ITPR2: variants seen among roughly 807,000 people sequenced by gnomAD.
ITPR2 encodes inositol 1,4,5-trisphosphate-gated calcium channel ITPR2.
Under a neutral mutation model 317.1 loss-of-function variants are expected in ITPR2, and 207 were observed. That is an observed-to-expected ratio of 0.65 (90% CI 0.58 to 0.73). The LOEUF is 0.73. Among genes scored for constraint, ITPR2 ranks in the 30% least tolerant of loss-of-function variants. The pLI is 0.00. For synonymous variants in ITPR2, 1,156 were observed against 1,149.1 expected, an observed-to-expected ratio of 1.01 and a Z score of -0.12; for missense variants, 2,613 against 3,284.0, an observed-to-expected ratio of 0.80 and a Z score of 4.99.
At chr12:26,531,031 G>T (rs569174252) in intron 37 of ITPR2, among the ~76,000 whole-genome samples, 1 of 152,146 alleles carries the variant, frequency 6.6e-6, no homozygotes, top group Non-Finnish European at 1.5e-5. Context: ...ATGCTAAGTA[G>T]ATTTGGTAAA....
intron 32 of ITPR2, among the ~76,000 whole-genome samples, 162 bp downstream of exon 32, chr12:26,595,303 A>C (rs1945814418): frequency 6.6e-6 from 1 of 152,224 alleles, no homozygotes; most frequent in Non-Finnish European, 1.5e-5. Context: ...ATATTAACTC[A>C]TTAAATCTCA....
chr12:26,772,097 T>C (rs565595291), intron 2 of ITPR2, among the ~76,000 whole-genome samples: 2 of 152,116 alleles, frequency 1.3e-5, no homozygotes, highest in African/African-American at 2.4e-5. Flanking sequence ...GGCACTTTCA[T>C]CTCAGTATTA....
intron 37 of ITPR2, among the ~76,000 whole-genome samples, chr12:26,544,491 A>G (rs1944340303): frequency 6.6e-6 from 1 of 151,914 alleles, no homozygotes; most frequent in African/African-American, 2.4e-5. Context: ...ATTGCTTTAA[A>G]GGACATTTGG....
At chr12:26,506,686 T>A (rs1459262209) in intron 37 of ITPR2, among the ~76,000 whole-genome samples, 2 of 152,164 alleles carry the variant, frequency 1.3e-5, no homozygotes, top group Non-Finnish European at 2.9e-5. Context: ...TACTAATTAA[T>A]GATCACAAAT....
At chr12:26,342,578 CTTTTTTGTTTGTTTGTTTTTG>C (rs1396643502) in intron 55 of ITPR2, among the ~76,000 whole-genome samples, 22 of 141,488 alleles carry the variant, frequency 1.6e-4, no homozygotes, top group Non-Finnish European at 2.1e-4. Context: ...AGCTATCATT[CTTTTTTGTTTGTTTGTTTTTG>C]TTTTTTGTTT....
chr12:26,568,024 A>ATATATAT (rs1945059331), intron 34 of ITPR2, among the ~76,000 whole-genome samples: 1 of 124,666 alleles, frequency 8.0e-6, no homozygotes. Context: ...ATATATATAT[A>ATATATAT]TATATATAAA....
At chr12:26,765,727 C>G (rs949891709) in intron 2 of ITPR2, among the ~76,000 whole-genome samples, 1 of 152,004 alleles carries the variant, frequency 6.6e-6, no homozygotes, top group Admixed American at 6.6e-5. Flanking sequence ...TTGAGTTGTG[C>G]AAACATCTCA....
At chr12:26,775,026 G>A (rs553104372) in intron 2 of ITPR2, among the ~76,000 whole-genome samples, 51 of 152,232 alleles carry the variant, frequency 3.4e-4, no homozygotes, top group African/African-American at 1.1e-3. Flanking sequence ...ACTAATGCAC[G>A]CTGTCCTGCC....
chr12:26,469,393 T>C (rs1942247384), intron 45 of ITPR2, among the ~76,000 whole-genome samples: 1 of 152,162 alleles, frequency 6.6e-6, no homozygotes, highest in Non-Finnish European at 1.5e-5. Flanking sequence ...GCCAAGTTCA[T>C]TGCCACTTTC....
intron 4 of ITPR2, among the ~76,000 whole-genome samples, chr12:26,723,968 T>C (rs1948879717): frequency 1.3e-5 from 2 of 152,178 alleles, no homozygotes; most frequent in Non-Finnish European, 2.9e-5. Flanking sequence ...AGTCAAAATT[T>C]ACCAGACTTT....
At chr12:26,599,540 A>C (rs2136737226) in intron 29 of ITPR2, among the ~76,000 whole-genome samples, 195 bp from the exon 30 acceptor site, 1 of 152,332 alleles carries the variant, frequency 6.6e-6, no homozygotes, top group South Asian at 2.1e-4. Flanking sequence ...AGAGGAATTT[A>C]GTTGGAGAAA....
chr12:26,506,562 T>C (rs1342401312), intron 37 of ITPR2, among the ~76,000 whole-genome samples: 2 of 150,618 alleles, frequency 1.3e-5, no homozygotes, highest in African/African-American at 4.9e-5. Flanking sequence ...ACAAAACTCA[T>C]TACCTATGGT....
intron 2 of ITPR2, among the ~76,000 whole-genome samples, chr12:26,750,388 G>T (rs1949393545): frequency 6.6e-6 from 1 of 152,080 alleles, no homozygotes; most frequent in Non-Finnish European, 1.5e-5. Flanking sequence ...TTATAGATGG[G>T]ACCCTCCTCT....
chr12:26,457,128 A>C (rs1475140554), intron 45 of ITPR2, among the ~76,000 whole-genome samples: 1 of 152,220 alleles, frequency 6.6e-6, no homozygotes, highest in East Asian at 1.9e-4. Context: ...TATATCATCT[A>C]TCAAAATGTG....
chr12:26,417,284 T>G (rs1940748893), intron 50 of ITPR2, among the ~76,000 whole-genome samples: 1 of 152,142 alleles, frequency 6.6e-6, no homozygotes, highest in Non-Finnish European at 1.5e-5. Context: ...ATTTGAAAGA[T>G]AAAAGACCAG....
intron 37 of ITPR2, among the ~76,000 whole-genome samples, chr12:26,524,324 G>T (rs1259952418): frequency 6.6e-6 from 1 of 151,924 alleles, no homozygotes; most frequent in Non-Finnish European, 1.5e-5. Context: ...AGCCACAGGG[G>T]GTACTATACA....
rs1380674841 is a variant in ITPR2 at position 26,369,673 on chromosome 12, C to T, written c.7857+17761G>A. 2.0e-5 allele frequency among the ~76,000 whole-genome samples: 3 copies of T among 152,138 alleles called. No homozygotes were observed. The East Asian group carries it at 5.8e-4, about 29-fold the overall frequency. On this transcript the variant is annotated intron_variant, in intron 55 of 56. Coordinates refer to ENST00000381340, the MANE Select transcript of ITPR2 (RefSeq NM_002223.4). ...GATTCTTGGGAGGGAGATTCTAAAACCCCTGGAGTTTCCCAAATGACAGAA... is the reference window on the plus strand; with the variant it reads ...GATTCTTGGGAGGGAGATTCTAAAATCCCTGGAGTTTCCCAAATGACAGAA...
chr12:26,802,614 T>TCTATATATAGATATAGATATAGATATAG (rs1950578475), intron 1 of ITPR2, among the ~76,000 whole-genome samples: 2 of 145,616 alleles, frequency 1.4e-5, no homozygotes, highest in South Asian at 4.3e-4. Context: ...TATAGATATA[T>TCTATATATAGATATAGATATAGATATAG]ATAGATATAG....
intron 1 of ITPR2, among the ~76,000 whole-genome samples, chr12:26,809,492 T>C (rs559659323): frequency 1.3e-5 from 2 of 152,350 alleles, no homozygotes; most frequent in South Asian, 2.1e-4. Flanking sequence ...CTCTTCCCTA[T>C]GAAATATCTC....
Sources: gnomAD v4.1 joint callset for allele counts (sites outside exome capture counted in the v4.1 genomes callset) on GRCh38, gnomAD v4.1.1 for gene constraint, MANE v1.5 for transcripts, NCBI Gene and HGNC (gene_info 2026-07-23, HGNC 2026-07-21) for gene names.